PDE11A: variants seen among roughly 807,000 people sequenced by gnomAD.
PDE11A encodes the protein dual 3',5'-cyclic-AMP and -GMP phosphodiesterase 11A.
Under a neutral mutation model 100.5 loss-of-function variants are expected in PDE11A, and 100 were observed. The ratio of observed to expected loss-of-function variants is 1.00; its 90% CI spans 0.85 to 1.18. PDE11A has a LOEUF of 1.18. Among genes scored for constraint, PDE11A ranks in the 50% most tolerant of loss-of-function variants. PDE11A has a pLI of 0.00. For missense variants in PDE11A, 1,141 were observed against 1,152.6 expected (o/e 0.99, Z 0.15); for synonymous variants, 381 against 420.8 (o/e 0.91, Z 1.16).
At chr2:177,924,902 C>T (rs1296593357) in intron 2 of PDE11A, among the ~76,000 whole-genome samples, 3 of 146,000 alleles carry the variant, frequency 2.1e-5, no homozygotes, top group Non-Finnish European at 4.5e-5. Flanking sequence ...ACCACAGTCC[C>T]CAGAGTGTGA....
chr2:177,767,233 A>T (rs1454991447), intron 10 of PDE11A, among the ~76,000 whole-genome samples: 5 of 152,084 alleles, frequency 3.3e-5, no homozygotes, highest in African/African-American at 1.2e-4. Flanking sequence ...GGGAGGCTGA[A>T]GCAGGAGAAT....
chr2:177,936,499 A>T (rs1291028585), intron 2 of PDE11A, among the ~76,000 whole-genome samples: 4 of 152,238 alleles, frequency 2.6e-5, no homozygotes, highest in Admixed American at 6.5e-5. Context: ...GATCTTCCCT[A>T]ATTGAAAAAA....
At chr2:178,091,711 T>G (rs573129602) in intron 2 of PDE11A, among the ~76,000 whole-genome samples, 16 of 152,146 alleles carry the variant, frequency 1.1e-4, no homozygotes, top group Admixed American at 2.6e-4. Flanking sequence ...AAAGCCACTG[T>G]TCCCTTCCAC....
intron 2 of PDE11A, among the ~76,000 whole-genome samples, chr2:177,991,351 T>C (rs531429886): frequency 7.6e-6 from 1 of 131,046 alleles, no homozygotes; most frequent in African/African-American, 2.9e-5. Flanking sequence ...ATATAATATA[T>C]TGGGCCGGGC....
intron 4 of PDE11A, among the ~76,000 whole-genome samples, chr2:177,897,156 A>T (rs200881165): frequency 0.023 from 3,436 of 152,306 alleles, 61 homozygotes; most frequent in East Asian, 0.075. Context: ...ATTAAAGCAA[A>T]TAATTGCTAC....
chr2:177,979,299 T>G (rs1184175844), intron 2 of PDE11A, among the ~76,000 whole-genome samples: 1 of 150,570 alleles, frequency 6.6e-6, no homozygotes, highest in Admixed American at 6.6e-5. Flanking sequence ...GACTTCTTCC[T>G]ACTTTATAAA....
At chr2:177,929,575 T>C (rs1383547010) in intron 2 of PDE11A, among the ~76,000 whole-genome samples, 1 of 152,216 alleles carries the variant, frequency 6.6e-6, no homozygotes, top group African/African-American at 2.4e-5. Context: ...TCCCATGAAG[T>C]GGCTTCTGTG....
intron 2 of PDE11A, among the ~76,000 whole-genome samples, chr2:177,955,896 T>C (rs1312243616): frequency 1.3e-5 from 2 of 152,154 alleles, no homozygotes; most frequent in Non-Finnish European, 2.9e-5. Flanking sequence ...TTAAACCTTA[T>C]ACAAAAATTA....
intron 1 of PDE11A, among the ~76,000 whole-genome samples, chr2:178,024,499 GTTTTA>G (rs2086454950): frequency 6.6e-6 from 1 of 152,156 alleles, no homozygotes. Context: ...TTTAGCTTTT[GTTTTA>G]TTTTGTCTTT....
Position 177,635,080 on chromosome 2 carries a change from C to T in PDE11A, c.2647-5518G>A, listed in dbSNP as rs1282986884. On this transcript the variant is annotated intron_variant, in intron 19 of 19. Transcript: ENST00000286063. Reference sequence around the variant, plus strand: ...CGTGACCACACAGCTACCGTTGAAACCCTTTCAGAGGCAGTGCGTGCACAA... The same window carrying T: ...CGTGACCACACAGCTACCGTTGAAATCCTTTCAGAGGCAGTGCGTGCACAA... Among the ~76,000 whole-genome samples the T allele has an allele frequency of 3.3e-5, 5 of 152,298 alleles. No homozygotes were observed. The East Asian group carries it at 9.7e-4, about 29-fold the overall frequency.
chr2:177,674,224 C>T (rs2080731821), intron 17 of PDE11A, among the ~76,000 whole-genome samples: 1 of 152,160 alleles, frequency 6.6e-6, no homozygotes, highest in Non-Finnish European at 1.5e-5. Flanking sequence ...CTCATTTTTC[C>T]CATTTGTGAA....
intron 2 of PDE11A, among the ~76,000 whole-genome samples, chr2:177,930,997 C>T (rs1321779372): frequency 6.6e-6 from 1 of 152,184 alleles, no homozygotes; most frequent in African/African-American, 2.4e-5. Flanking sequence ...CACATAGTCA[C>T]AGGCTAATCC....
At chr2:177,838,480 T>A (rs56748987) in intron 6 of PDE11A, among the ~76,000 whole-genome samples, 31,569 of 152,168 alleles carry the variant, frequency 0.21, 3,358 homozygotes, top group Middle Eastern at 0.26. Flanking sequence ...TAGTATTTAG[T>A]CTATCGTTCC....
intron 2 of PDE11A, among the ~76,000 whole-genome samples, chr2:177,940,806 G>C (rs536641386): frequency 2.0e-5 from 3 of 152,186 alleles, no homozygotes; most frequent in Non-Finnish European, 4.4e-5. Context: ...GAGTCTCTTA[G>C]TAGGACATCG....
intron 5 of PDE11A, among the ~76,000 whole-genome samples, chr2:177,851,086 C>T (rs979165789): frequency 1.3e-5 from 2 of 152,046 alleles, no homozygotes; most frequent in African/African-American, 2.4e-5. Flanking sequence ...CACATGCACA[C>T]GTATGTTTAT....
intron 2 of PDE11A, among the ~76,000 whole-genome samples, chr2:177,991,571 G>C (rs2086004979): frequency 6.6e-6 from 1 of 150,748 alleles, no homozygotes; most frequent in Non-Finnish European, 1.5e-5. Context: ...GGAGGCGGAG[G>C]TTGCAGTGTG....
At chr2:178,094,178 G>A (rs533121518) in intron 2 of PDE11A, among the ~76,000 whole-genome samples, 1 of 151,742 alleles carries the variant, frequency 6.6e-6, no homozygotes, top group South Asian at 2.1e-4. Flanking sequence ...AATACACACA[G>A]TACACACGCA....
chr2:177,988,663 GC>G (rs1161296304), intron 2 of PDE11A, among the ~76,000 whole-genome samples: 1 of 152,134 alleles, frequency 6.6e-6, no homozygotes, highest in Admixed American at 6.5e-5. Context: ...AGCCAGTCCT[GC>G]CAGAGTGTCT....
At chr2:177,879,326 G>T (rs541473765) in intron 4 of PDE11A, among the ~76,000 whole-genome samples, 1 of 152,292 alleles carries the variant, frequency 6.6e-6, no homozygotes, top group Non-Finnish European at 1.5e-5. Context: ...AACCAACTTT[G>T]CCACTCTGCG....
Sources: gnomAD v4.1 joint callset for allele counts (sites outside exome capture counted in the v4.1 genomes callset) on GRCh38, gnomAD v4.1.1 for gene constraint, MANE v1.5 for transcripts, NCBI Gene and HGNC (gene_info 2026-07-23, HGNC 2026-07-21) for gene names.